The following RORA variants were observed in gnomAD, a reference collection of about 807,000 sequenced individuals.
RORA encodes the protein nuclear receptor ROR-alpha.
Under a neutral mutation model 69.5 loss-of-function variants are expected in RORA, and 7 were observed. The observed-to-expected ratio is 0.10, with a 90% CI of 0.06 to 0.19. The LOEUF is 0.19. Ranked by LOEUF, RORA falls within the 10% of genes least tolerant of loss-of-function variation. The pLI, the probability that RORA is intolerant of heterozygous loss-of-function variation, is 1.00. For missense variants in RORA, 457 were observed against 663.0 expected, an observed-to-expected ratio of 0.69 and a Z score of 3.41; for synonymous variants, 261 against 240.8, an observed-to-expected ratio of 1.08 and a Z score of -0.78.
At chr15:60,593,951 G>A (rs1209001974) in intron 2 of RORA, among the ~76,000 whole-genome samples, 1 of 152,042 alleles carries the variant, frequency 6.6e-6, no homozygotes, top group Non-Finnish European at 1.5e-5. Context: ...CCCTTTCAAG[G>A]CAAAATTGAG....
intron 1 of RORA, chr15:60,706,262 G>A (rs1333188940): frequency 6.6e-6 from 1 of 152,214 alleles, no homozygotes; most frequent in Non-Finnish European, 1.5e-5. Flanking sequence ...TTCTTCAGAA[G>A]GACAGCATGG....
chr15:61,009,742 A>G (rs1895030865), intron 1 of RORA, among the ~76,000 whole-genome samples: 2 of 152,218 alleles, frequency 1.3e-5, no homozygotes, highest in South Asian at 4.1e-4. Flanking sequence ...GAGGTAAAAT[A>G]TTATTAGTCC....
intron 1 of RORA, among the ~76,000 whole-genome samples, chr15:60,791,712 C>T (rs931256603): frequency 1.2e-4 from 18 of 152,150 alleles, no homozygotes; most frequent in Non-Finnish European, 1.9e-4. Flanking sequence ...GGACCCAATA[C>T]GAAGAAGCAG....
intron 1 of RORA, among the ~76,000 whole-genome samples, chr15:61,208,386 G>C (rs116475618): frequency 0.011 from 1,704 of 152,288 alleles, 41 homozygotes; most frequent in African/African-American, 0.039. Flanking sequence ...ATTAATGGCT[G>C]TCTTAGACTA....
At chr15:60,919,754 T>C (rs1462391907) in intron 1 of RORA, among the ~76,000 whole-genome samples, 1 of 152,218 alleles carries the variant, frequency 6.6e-6, no homozygotes, top group Non-Finnish European at 1.5e-5. Flanking sequence ...CATCTTTTCC[T>C]TAGGTAGGAG....
intron 1 of RORA, among the ~76,000 whole-genome samples, chr15:60,925,153 AACAATT>A (rs1892174610): frequency 1.3e-5 from 2 of 152,124 alleles, no homozygotes; most frequent in East Asian, 3.9e-4. Context: ...AAGGTACTCT[AACAATT>A]GAGGAAGTGC....
At chr15:61,003,403 CCAAA>C (rs896727234) in intron 1 of RORA, among the ~76,000 whole-genome samples, 8 of 152,066 alleles carry the variant, frequency 5.3e-5, no homozygotes, top group South Asian at 2.1e-4. Flanking sequence ...TGGCTAGAGA[CCAAA>C]CAATGTTTTT....
At chr15:60,981,492 T>C (rs947918096) in intron 1 of RORA, among the ~76,000 whole-genome samples, 11 of 152,142 alleles carry the variant, frequency 7.2e-5, no homozygotes, top group African/African-American at 2.7e-4. Context: ...TTTTTCTTCA[T>C]CTTTTTCTTT....
chr15:61,124,775 A>G (rs1390943718), intron 1 of RORA, among the ~76,000 whole-genome samples: 1 of 152,074 alleles, frequency 6.6e-6, no homozygotes, highest in Non-Finnish European at 1.5e-5. Flanking sequence ...CAAAGACTGA[A>G]CCCCTCTCTG....
intron 1 of RORA, among the ~76,000 whole-genome samples, chr15:60,705,448 T>A (rs1191271273): frequency 6.6e-6 from 1 of 152,178 alleles, no homozygotes; most frequent in East Asian, 1.9e-4. Context: ...TTCTGAACAG[T>A]TACTTAACTA....
chr15:61,025,885 T>C (rs773105347), intron 1 of RORA, among the ~76,000 whole-genome samples: 9 of 152,226 alleles, frequency 5.9e-5, no homozygotes, highest in Non-Finnish European at 8.8e-5. Context: ...CCTACAATAA[T>C]GTTCCTAGCC....
chr15:60,837,632 T>C (rs2073135174), intron 1 of RORA, among the ~76,000 whole-genome samples: 1 of 152,182 alleles, frequency 6.6e-6, no homozygotes. Context: ...TGTCTCAGGC[T>C]GGCCTGTAGC....
intron 1 of RORA, among the ~76,000 whole-genome samples, chr15:60,925,213 G>T (rs570152534): frequency 6.6e-6 from 1 of 152,182 alleles, no homozygotes; most frequent in African/African-American, 2.4e-5. Context: ...TGCAGCCACA[G>T]GTGTAGACTG....
At chr15:60,925,139 AAT>A (rs1343600871) in intron 1 of RORA, among the ~76,000 whole-genome samples, 2 of 147,888 alleles carry the variant, frequency 1.4e-5, no homozygotes, top group Non-Finnish European at 3.0e-5. Context: ...AATAAAATAA[AAT>A]AAAGGTACTC....
intron 1 of RORA, among the ~76,000 whole-genome samples, chr15:60,869,141 T>A (rs755550363): frequency 2.0e-5 from 3 of 152,126 alleles, no homozygotes; most frequent in Non-Finnish European, 4.4e-5. Flanking sequence ...TTCCTTATAT[T>A]TTGGCTGAAA....
chr15:60,500,367 C>CT (rs922609946), intron 9 of RORA, among the ~76,000 whole-genome samples: 1 of 152,060 alleles, frequency 6.6e-6, no homozygotes, highest in Non-Finnish European at 1.5e-5. Context: ...ATCCTGCTAG[C>CT]TTTTTTGAAA....
At chr15:60,522,599 G>T (rs2066205940) in intron 3 of RORA, among the ~76,000 whole-genome samples, 2 of 151,614 alleles carry the variant, frequency 1.3e-5, no homozygotes, top group African/African-American at 4.8e-5. Flanking sequence ...CATAGACCCT[G>T]TCTCTACAGG....
chr15:60,632,399 G>C (rs1306407818), intron 2 of RORA, among the ~76,000 whole-genome samples: 2 of 152,070 alleles, frequency 1.3e-5, no homozygotes, highest in African/African-American at 4.8e-5. Context: ...GAGCCACTGC[G>C]CCCGGCCTCA....
intron 1 of RORA, among the ~76,000 whole-genome samples, chr15:61,184,967 G>GGAGC (rs2079725479): frequency 7.6e-6 from 1 of 132,398 alleles, no homozygotes; most frequent in African/African-American, 2.8e-5. Context: ...CCTGGGCAAA[G>GGAGC]GAGCGAGACC....
Sources: gnomAD v4.1 joint callset for allele counts (sites outside exome capture counted in the v4.1 genomes callset) on GRCh38, gnomAD v4.1.1 for gene constraint, MANE v1.5 for transcripts, NCBI Gene and HGNC (gene_info 2026-07-23, HGNC 2026-07-21) for gene names.